DNTT: variants seen among roughly 807,000 people sequenced by gnomAD.
DNTT encodes the protein nucleosidetriphosphate:DNA deoxynucleotidylexotransferase.
DNTT carries 47 observed loss-of-function variants against 60.9 expected under a neutral mutation model. The ratio of observed to expected loss-of-function variants is 0.77; its 90% confidence interval spans 0.61 to 0.98. The LOEUF is 0.98. Ranked by LOEUF, DNTT falls within the 50% of genes least tolerant of loss-of-function variation. The pLI is 0.00. For missense variants in DNTT, 665 were observed against 627.5 expected, an observed-to-expected ratio of 1.06 and a Z score of -0.64; for synonymous variants, 224 against 221.2, an observed-to-expected ratio of 1.01 and a Z score of -0.11.
intron 10 of DNTT, among the ~76,000 whole-genome samples, chr10:96,337,130 A>G (rs1845082582): frequency 6.6e-6 from 1 of 152,210 alleles, no homozygotes; most frequent in Non-Finnish European, 1.5e-5. Flanking sequence ...ATGGGTGCTC[A>G]GGCAGGCTTC....
chr10:96,315,216 T>C (rs190742961), intron 1 of DNTT, among the ~76,000 whole-genome samples: 13 of 142,696 alleles, frequency 9.1e-5, no homozygotes, highest in Admixed American at 8.1e-4. Flanking sequence ...TCAAAAAATG[T>C]GTTGAAGACC....
intron 4 of DNTT, 49 bp downstream of exon 4, chr10:96,320,837 C>A: frequency 6.2e-7 from 1 of 1,601,340 alleles, no homozygotes; most frequent in African/African-American, 1.3e-5. Flanking sequence ...TAGGTGGGAA[C>A]GGGGGAGAGA....
At chr10:96,333,554 T>C (rs182060576) in intron 9 of DNTT, among the ~76,000 whole-genome samples, 9 of 152,346 alleles carry the variant, frequency 5.9e-5, no homozygotes, top group Admixed American at 5.9e-4. Context: ...CAAGATATTA[T>C]ATAAAAACAA....
chr10:96,319,298 C>T lies in DNTT; in HGVS notation c.415C>T (p.Pro139Ser). Reference protein sequence around the residue: ...RDYSDSTNPGPPKTPPIAVQK... With the variant: ...RDYSDSTNPGSPKTPPIAVQK... ...CTATTCAGATAGCACCAACCCAGGC[C>T]CCCCGAAGACTCCACCAATTGCTGT... Residue 139 changes from proline to serine, a missense_variant, in exon 3 of 11, where the codon CCC becomes TCC. Pro to Ser is a moderately conservative substitution (Grantham distance 74, BLOSUM62 -1). Transcript: ENST00000371174. The T allele has an allele frequency of 6.2e-7, 1 of 1,613,700 alleles. No homozygotes were observed. The highest frequency in any genetic ancestry group is 8.5e-7 in the Non-Finnish European group (1 of 1,179,760).
Position 96,318,485 on chromosome 10 carries a change from G to A in DNTT, c.337G>A (p.Ala113Thr). ...CTCCTGGCTGATCGAATGCATAAGA[G>A]CAGGGAAACCGGTGGAAATGACAGG... ...DVSWLIECIR[A>T]GKPVEMTGKH... The change falls in exon 2 of 11, where the codon GCA becomes ACA. Residue 113 changes from alanine (A) to threonine (T), a missense_variant. Transcript: ENST00000371174. 5 of 1,613,756 alleles carry A rather than the reference G, an allele frequency of 3.1e-6. No homozygotes were observed. Among genetic ancestry groups the A allele is most frequent in the Non-Finnish European group, 4.2e-6 (5 of 1,179,778 alleles).
chr10:96,334,707 G>A (rs917374074), intron 9 of DNTT, among the ~76,000 whole-genome samples: 3 of 152,084 alleles, frequency 2.0e-5, no homozygotes, highest in Non-Finnish European at 4.4e-5. Flanking sequence ...AAAAAAAGGG[G>A]AAGAAAAGAA....
chr10:96,332,795 T>A (rs534554224), intron 9 of DNTT, among the ~76,000 whole-genome samples, 199 bp downstream of exon 9: 1 of 152,306 alleles, frequency 6.6e-6, no homozygotes, highest in African/African-American at 2.4e-5. Flanking sequence ...TTATTCCCAG[T>A]GTGTGGTCCC....
At chr10:96,309,798 T>A (rs71484204) in intron 1 of DNTT, among the ~76,000 whole-genome samples, 14,691 of 152,298 alleles carry the variant, frequency 0.096, 820 homozygotes, top group South Asian at 0.15. Context: ...AGTTCATCAC[T>A]GCCAGGAGAA....
chr10:96,306,427 T>C (rs1388706895), intron 1 of DNTT: 2 of 152,174 alleles, frequency 1.3e-5, no homozygotes, highest in African/African-American at 4.8e-5. Flanking sequence ...TTAAAAGCCT[T>C]AGCAAATATG....
intron 8 of DNTT, 75 bp downstream of exon 8, chr10:96,328,905 T>G: frequency 7.2e-7 from 1 of 1,384,054 alleles, no homozygotes; most frequent in African/African-American, 1.4e-5. Context: ...TTACTTGCCT[T>G]ATAATTGTGT....
chr10:96,324,995 C>T (rs948674892), intron 6 of DNTT, among the ~76,000 whole-genome samples: 6 of 152,072 alleles, frequency 3.9e-5, no homozygotes, highest in African/African-American at 9.7e-5. Flanking sequence ...AAGACAAGAC[C>T]GTGGTGGGAC....
intron 9 of DNTT, among the ~76,000 whole-genome samples, chr10:96,334,168 C>T (rs1032761620): frequency 2.0e-5 from 3 of 152,150 alleles, no homozygotes; most frequent in African/African-American, 7.2e-5. Context: ...TTGAGTTCAT[C>T]CCAGACCTGG....
chr10:96,337,890 C>T (rs1845092655), intron 10 of DNTT, among the ~76,000 whole-genome samples: 1 of 152,156 alleles, frequency 6.6e-6, no homozygotes, highest in African/African-American at 2.4e-5. Context: ...AGAACTACAG[C>T]CCGTAGGAAA....
rs866902459 is a variant in DNTT, at chr10:96,317,040, C to T, written c.204-1312C>T. On this transcript the variant is annotated intron_variant, in intron 1 of 10. Transcript: ENST00000371174. ...ATAGGAGGAGAAAGAGAAAATATTG[C>T]TATGTTTTCTCTTCGATGCTTGGGT... Among the ~76,000 whole-genome samples the T allele has an allele frequency of 1.7e-4, 26 of 152,246 alleles. No individual in the cohort carries two copies. In the Middle Eastern group the frequency reaches 0.014, roughly 80 times the overall value.
intron 1 of DNTT, 118 bp from the exon 2 acceptor site, chr10:96,318,234 G>T (rs1453236002): frequency 3.3e-6 from 4 of 1,195,220 alleles, no homozygotes; most frequent in African/African-American, 3.1e-5. Context: ...CACACCTATG[G>T]TTAGGTCTAG....
intron 8 of DNTT, among the ~76,000 whole-genome samples, chr10:96,329,924 C>T (rs533225291): frequency 3.9e-5 from 6 of 152,290 alleles, no homozygotes; most frequent in African/African-American, 1.4e-4. Context: ...GAACTGGCCG[C>T]TCTGTACCCT....
At chr10:96,308,355 G>A (rs985752089) in intron 1 of DNTT, among the ~76,000 whole-genome samples, 6 of 152,300 alleles carry the variant, frequency 3.9e-5, no homozygotes, top group East Asian at 1.9e-4. Context: ...GTCTTAAAAC[G>A]TAGATAAGGG....
chr10:96,324,194 A>G (rs1050909716), intron 5 of DNTT, 72 bp from the exon 6 acceptor site: 1 of 1,524,700 alleles, frequency 6.6e-7, no homozygotes, highest in Non-Finnish European at 8.8e-7. Context: ...CCTGAGACCT[A>G]GAAAGGGTCA....
intron 1 of DNTT, among the ~76,000 whole-genome samples, chr10:96,313,860 G>A (rs139297584): frequency 1.6e-4 from 25 of 152,280 alleles, no homozygotes; most frequent in African/African-American, 5.8e-4. Flanking sequence ...GGAGCAGCAG[G>A]GTAGGAGTGG....
Sources: allele counts gnomAD v4.1 joint callset (sites outside exome capture counted in the v4.1 genomes callset), GRCh38; gene constraint gnomAD v4.1.1; transcripts MANE v1.5; gene names NCBI Gene and HGNC (gene_info 2026-07-23, HGNC 2026-07-21).